PCDHGB1: variants seen among roughly 807,000 people sequenced by gnomAD.
PCDHGB1 encodes the protein protocadherin gamma subfamily B, 1.
Under a neutral mutation model 56.6 loss-of-function variants are expected in PCDHGB1, and 34 were observed. The ratio of observed to expected loss-of-function variants is 0.60; its 90% CI spans 0.46 to 0.80. PCDHGB1 has a LOEUF of 0.80. Ranked by LOEUF, PCDHGB1 falls within the 30% of genes least tolerant of loss-of-function variation. The pLI is 0.00. For synonymous variants in PCDHGB1, 561 were observed against 505.9 expected, an observed-to-expected ratio of 1.11 and a Z score of -1.46; for missense variants, 1,278 against 1,204.6, an observed-to-expected ratio of 1.06 and a Z score of -0.90.
rs1758716971 is a variant in PCDHGB1 at position 141,351,421 on chromosome 5, T to C, written c.1161T>C (p.Pro387=). The C allele has an allele frequency of 3.1e-6, 5 of 1,611,696 alleles. No homozygotes were observed. The highest frequency in any genetic ancestry group is 2.5e-6 in the Non-Finnish European group (3 of 1,178,700). ...MVTCYTQEEV[P]FKLESTSKNY... The stretch of plus-strand genomic sequence containing the variant: ...CATGCTATACTCAGGAAGAAGTTCC[T>C]TTCAAATTAGAATCCACCTCGAAGA... The change falls in exon 1 of 4, where the codon CCT becomes CCC. Residue 387 remains proline (P), a synonymous_variant. Transcript: ENST00000523390.
intron 1 of PCDHGB1, chr5:141,365,312 G>T: frequency 1.2e-6 from 2 of 1,614,006 alleles, no homozygotes; most frequent in African/African-American, 1.3e-5. Context: ...AGGCGCTCTT[G>T]TTGCCAGCGC....
At position 141,351,013 on chromosome 5, in the gene PCDHGB1, CG is replaced by C. The variant is rs1758619195; in HGVS notation, c.754del (p.Val252TyrfsTer10). 2 of 1,613,944 alleles carry C rather than the reference CG, an allele frequency of 1.2e-6. No homozygotes were observed. Among genetic ancestry groups the C allele is most frequent in the Admixed American group, 1.7e-5 (1 of 60,014 alleles). On this transcript the variant is annotated frameshift_variant, in exon 1 of 4. Transcript: ENST00000523390. LOFTEE classifies it high-confidence loss of function. ...TATACAGGGTTAGCCTCCAAGAAAA[CG>C]TACCGTGGGGAACCTCCGTGCTGCG... ...EVYRVSLQEN[V>X]PWGTSVLRVM... is the part of the protein sequence containing the mutation.
intron 1 of PCDHGB1, chr5:141,390,735 C>T (rs1453703867): frequency 5.3e-6 from 1 of 189,140 alleles, no homozygotes; most frequent in Non-Finnish European, 1.1e-5. Context: ...CTGGTATGGT[C>T]TCCATAGTAG....
chr5:141,406,375 T>C (rs1427638211), intron 1 of PCDHGB1, among the ~76,000 whole-genome samples: 1 of 152,186 alleles, frequency 6.6e-6, no homozygotes, highest in Non-Finnish European at 1.5e-5. Flanking sequence ...GGTAAACTGA[T>C]AAAAAGGTAA....
chr5:141,456,968 A>AAAACAAAC (rs202005606), intron 1 of PCDHGB1, among the ~76,000 whole-genome samples: 1 of 152,282 alleles, frequency 6.6e-6, no homozygotes, highest in Admixed American at 6.5e-5. Flanking sequence ...ATCTCAAAAC[A>AAAACAAAC]AAACAAACAA....
At chr5:141,393,129 A>G in intron 1 of PCDHGB1, 2 of 1,613,426 alleles carry the variant, frequency 1.2e-6, no homozygotes, top group Non-Finnish European at 1.7e-6. Context: ...TCTGATAAAT[A>G]TTAACACCCT....
At chr5:141,441,073 G>A (rs1591647632) in intron 1 of PCDHGB1, 1 of 152,152 alleles carries the variant, frequency 6.6e-6, no homozygotes, top group Non-Finnish European at 1.5e-5. Flanking sequence ...AATTTCCATG[G>A]TTTTGGTAGC....
At chr5:141,394,467 G>A (rs558211393) in intron 1 of PCDHGB1, 3 of 1,614,238 alleles carry the variant, frequency 1.9e-6, no homozygotes, top group Admixed American at 1.7e-5. Flanking sequence ...GAGCCTGTTC[G>A]TGCTGGACCA....
chr5:141,353,842 T>C (rs1435431790), intron 1 of PCDHGB1, among the ~76,000 whole-genome samples: 1 of 152,240 alleles, frequency 6.6e-6, no homozygotes. Flanking sequence ...TCTTTGAGGA[T>C]TGTGAAAAAC....
intron 1 of PCDHGB1, chr5:141,392,605 CA>C (rs2092562177): frequency 1.9e-6 from 1 of 514,610 alleles, no homozygotes; most frequent in Admixed American, 3.7e-5. Context: ...TACTGGAAGA[CA>C]AATGCAACCG....
chr5:141,481,200 T>A (rs977235584), intron 1 of PCDHGB1, among the ~76,000 whole-genome samples: 2 of 152,178 alleles, frequency 1.3e-5, no homozygotes, highest in Non-Finnish European at 2.9e-5. Flanking sequence ...CCAATTTTTT[T>A]AAAAAACATG....
chr5:141,434,253 G>C (rs979768901), intron 1 of PCDHGB1, among the ~76,000 whole-genome samples: 9 of 152,198 alleles, frequency 5.9e-5, no homozygotes, highest in Non-Finnish European at 1.3e-4. Flanking sequence ...CTTGGGCATT[G>C]TGGGGGAGGT....
chr5:141,383,440 G>C, intron 1 of PCDHGB1: 1 of 1,613,950 alleles, frequency 6.2e-7, no homozygotes, highest in African/African-American at 1.3e-5. Flanking sequence ...CTTCTCCCTG[G>C]CTGTGCAAAG....
intron 1 of PCDHGB1, among the ~76,000 whole-genome samples, chr5:141,386,522 C>CT (rs35543697): frequency 1 from 152,285 of 152,292 alleles, 76,139 homozygotes; most frequent in Middle Eastern, 1. Flanking sequence ...CAAAAAAAGA[C>CT]TCTTTTTAGA....
chr5:141,404,214 C>A, intron 1 of PCDHGB1: 1 of 1,613,562 alleles, frequency 6.2e-7, no homozygotes, highest in Non-Finnish European at 8.5e-7. Flanking sequence ...TATAATATCA[C>A]GGTGACTGCA....
intron 1 of PCDHGB1, chr5:141,393,734 A>G (rs1453820640): frequency 1.9e-6 from 3 of 1,613,888 alleles, no homozygotes; most frequent in East Asian, 2.2e-5. Context: ...CAAAAAGTCT[A>G]GATTATGAAG....
chr5:141,401,586 A>G (rs1174763520), intron 1 of PCDHGB1, among the ~76,000 whole-genome samples: 2 of 152,228 alleles, frequency 1.3e-5, no homozygotes, highest in Admixed American at 1.3e-4. Context: ...ATCCTGACAT[A>G]TTCTTGAAGA....
intron 1 of PCDHGB1, among the ~76,000 whole-genome samples, chr5:141,461,616 T>A (rs1399885412): frequency 6.6e-6 from 1 of 152,236 alleles, no homozygotes; most frequent in African/African-American, 2.4e-5. Context: ...CAAAGTATTT[T>A]CTAATACACC....
At chr5:141,366,562 T>C (rs767375100) in intron 1 of PCDHGB1, 21 of 1,614,112 alleles carry the variant, frequency 1.3e-5, no homozygotes, top group Non-Finnish European at 1.7e-5. Flanking sequence ...TGGGCGTGGA[T>C]GGGGTTCGGG....
Sources: gnomAD v4.1 joint callset for allele counts (sites outside exome capture counted in the v4.1 genomes callset) on GRCh38, gnomAD v4.1.1 for gene constraint, MANE v1.5 for transcripts, NCBI Gene and HGNC (gene_info 2026-07-23, HGNC 2026-07-21) for gene names.